The following MYRIP variants were observed in gnomAD, a reference collection of about 807,000 sequenced individuals.
MYRIP encodes rab effector MyRIP.
Under a neutral mutation model 98.0 loss-of-function variants are expected in MYRIP, and 49 were observed. The ratio of observed to expected loss-of-function variants is 0.50; its 90% confidence interval spans 0.40 to 0.63. The LOEUF is 0.63. Ranked by LOEUF, MYRIP falls within the 30% of genes least tolerant of loss-of-function variation. The probability of loss-of-function intolerance (pLI) is 0.00; values close to 1 mark genes in which losing one functional copy is unlikely to be tolerated. For synonymous variants in MYRIP, 404 were observed against 409.5 expected, an observed-to-expected ratio of 0.99 and a Z score of 0.16; for missense variants, 1,004 against 1,058.2, an observed-to-expected ratio of 0.95 and a Z score of 0.71.
At chr3:39,917,925 T>A (rs115437605) in intron 2 of MYRIP, among the ~76,000 whole-genome samples, 2,557 of 127,974 alleles carry the variant, frequency 0.02, 69 homozygotes, top group African/African-American at 0.061. Flanking sequence ...CTGACTTCCA[T>A]TCTTTTTTTT....
chr3:40,044,898 A>G (rs1947636999), intron 3 of MYRIP, among the ~76,000 whole-genome samples: 1 of 152,198 alleles, frequency 6.6e-6, no homozygotes, highest in Admixed American at 6.5e-5. Context: ...AATAACAAGC[A>G]TGGCATTTCA....
At chr3:39,860,225 G>T (rs1185453388) in intron 1 of MYRIP, among the ~76,000 whole-genome samples, 1 of 152,158 alleles carries the variant, frequency 6.6e-6, no homozygotes, top group Non-Finnish European at 1.5e-5. Context: ...AGCAGGTGAG[G>T]AGCAACCTGC....
chr3:39,973,909 A>C (rs546511800), intron 2 of MYRIP, among the ~76,000 whole-genome samples: 1 of 152,350 alleles, frequency 6.6e-6, no homozygotes, highest in Admixed American at 6.5e-5. Context: ...CAGTGTGTAG[A>C]GGGAAATTTA....
intron 3 of MYRIP, among the ~76,000 whole-genome samples, chr3:40,125,136 T>C (rs1230105323): frequency 6.6e-6 from 1 of 152,196 alleles, no homozygotes; most frequent in Admixed American, 6.5e-5. Flanking sequence ...AGTGGAGGCA[T>C]GGGGCTTTGC....
At chr3:39,843,508 G>A (rs1670769216) in intron 1 of MYRIP, among the ~76,000 whole-genome samples, 1 of 152,174 alleles carries the variant, frequency 6.6e-6, no homozygotes, top group Non-Finnish European at 1.5e-5. Flanking sequence ...GAGAAAACTG[G>A]TGGAACCAAA....
intron 3 of MYRIP, among the ~76,000 whole-genome samples, chr3:40,127,664 C>T (rs1949550216): frequency 6.6e-6 from 1 of 152,214 alleles, no homozygotes; most frequent in Non-Finnish European, 1.5e-5. Context: ...GGGTGGGGGG[C>T]ACTGAGCCCC....
intron 3 of MYRIP, among the ~76,000 whole-genome samples, chr3:40,147,770 G>T (rs1950038997): frequency 6.6e-6 from 1 of 152,126 alleles, no homozygotes; most frequent in Non-Finnish European, 1.5e-5. Context: ...CAAAGACGTG[G>T]CTCCTTCTTC....
chr3:39,909,664 C>A (rs1943968378), intron 2 of MYRIP, among the ~76,000 whole-genome samples: 2 of 152,048 alleles, frequency 1.3e-5, no homozygotes, highest in South Asian at 4.1e-4. Context: ...TGGATTGACA[C>A]ATAGGTCTGA....
chr3:39,821,710 TTGACTTA>T (rs1434628841), intron 1 of MYRIP, among the ~76,000 whole-genome samples: 7 of 152,142 alleles, frequency 4.6e-5, no homozygotes, highest in African/African-American at 1.7e-4. Context: ...AATTTCTTCT[TTGACTTA>T]TGACTTATAT....
intron 1 of MYRIP, among the ~76,000 whole-genome samples, chr3:39,869,538 C>A (rs559298891): frequency 1.3e-5 from 2 of 152,078 alleles, no homozygotes; most frequent in Non-Finnish European, 2.9e-5. Context: ...AAAGCCTTTG[C>A]GTACTTCTCT....
chr3:40,099,930 A>C, intron 3 of MYRIP: 7 of 915,578 alleles, frequency 7.6e-6, no homozygotes, highest in Non-Finnish European at 9.1e-6. Flanking sequence ...TCCCTGTTGC[A>C]CATGTGTTGA....
In MYRIP at chr3:39,866,662, A is replaced by T. The variant is rs1467250454; in HGVS notation, c.-30-34125A>T. 2.6e-5 allele frequency among the ~76,000 whole-genome samples: 4 copies of T among 152,232 alleles called. No homozygotes were observed. In the East Asian group the frequency reaches 7.7e-4, roughly 29 times the overall value. ...AGATCTGTACATTGAAAATTAAAAG[A>T]CATGGATGAAAGAAACTGAAAACAA... On this transcript the variant is annotated intron_variant, in intron 1 of 16. Transcript: ENST00000302541.
At chr3:40,192,852 G>A (rs753505152) in intron 10 of MYRIP, among the ~76,000 whole-genome samples, 5 of 152,160 alleles carry the variant, frequency 3.3e-5, no homozygotes, top group Non-Finnish European at 5.9e-5. Flanking sequence ...GTATATAGAG[G>A]TGGAGACAAA....
intron 2 of MYRIP, among the ~76,000 whole-genome samples, chr3:39,931,062 A>G (rs890824165): frequency 6.6e-6 from 1 of 152,094 alleles, no homozygotes; most frequent in Non-Finnish European, 1.5e-5. Context: ...AATCGATAAC[A>G]AAAGAACAAA....
chr3:40,192,347 T>TATATATGTCATATATATATATGTCATAG (rs1338384560), intron 10 of MYRIP, among the ~76,000 whole-genome samples: 1 of 134,414 alleles, frequency 7.4e-6, no homozygotes, highest in African/African-American at 2.7e-5. Flanking sequence ...ATATGTCATA[T>TATATATGTCATATATATATATGTCATAG]ATATATTTAT....
intron 10 of MYRIP, among the ~76,000 whole-genome samples, chr3:40,196,415 T>C (rs986970814): frequency 1.3e-5 from 2 of 152,204 alleles, no homozygotes; most frequent in South Asian, 2.1e-4. Context: ...ATGCAATCCA[T>C]TGTCAAACTT....
At chr3:40,083,238 A>T (rs1046408104) in intron 3 of MYRIP, among the ~76,000 whole-genome samples, 4 of 152,198 alleles carry the variant, frequency 2.6e-5, no homozygotes, top group Non-Finnish European at 5.9e-5. Flanking sequence ...GGGAATGCTG[A>T]AAGTCTAATG....
At chr3:40,028,415 A>G (rs902013162) in intron 2 of MYRIP, among the ~76,000 whole-genome samples, 15 of 152,280 alleles carry the variant, frequency 9.9e-5, no homozygotes, top group African/African-American at 3.6e-4. Flanking sequence ...TATTGCCCAG[A>G]CGCTATTGCA....
chr3:39,940,256 A>G (rs1212353183), intron 2 of MYRIP, among the ~76,000 whole-genome samples: 2 of 152,144 alleles, frequency 1.3e-5, no homozygotes, highest in Non-Finnish European at 2.9e-5. Context: ...GAGAATTTTT[A>G]ATGATGAATA....
Sources: allele counts gnomAD v4.1 joint callset (sites outside exome capture counted in the v4.1 genomes callset), GRCh38; gene constraint gnomAD v4.1.1; transcripts MANE v1.5; gene names NCBI Gene and HGNC (gene_info 2026-07-23, HGNC 2026-07-21).